E2F4: variants seen among roughly 807,000 people sequenced by gnomAD.
E2F4 encodes transcription factor E2F4.
In E2F4, 16 loss-of-function variants were observed where a neutral mutation model predicts 44.5. That is an observed-to-expected ratio of 0.36 (90% CI 0.24 to 0.55). The LOEUF is 0.55. Ranked by LOEUF, E2F4 falls within the 20% of genes least tolerant of loss-of-function variation. E2F4 has a pLI of 0.87. For missense variants in E2F4, 473 were observed against 522.1 expected (o/e 0.91, Z 0.92); for synonymous variants, 242 against 207.2 (o/e 1.17, Z -1.44).
chr16:67,198,610 A>G lies in E2F4; in HGVS notation c.*487A>G, dbSNP rs956164255. On this transcript the variant is annotated 3_prime_UTR_variant, in exon 10 of 10. Coordinates refer to ENST00000379378, the MANE Select transcript of E2F4 (RefSeq NM_001950.4). ...CTCCTCCTGGCCCTCTCACGTGCCC[A>G]CTTCTGCTGGGCCTTTAGCCCTAGA... 2.0e-4 allele frequency: 36 copies of G among 175,800 alleles called. No homozygotes were observed. The highest frequency in any genetic ancestry group is 2.9e-4 in the Non-Finnish European group (24 of 82,164). The allele number at this position is 175,800 out of a possible 1,614,324, so 10.9% of individuals were successfully genotyped here.
At position 67,198,179 on chromosome 16, in the gene E2F4, C is replaced by G; in HGVS notation, c.*56C>G. On this transcript the variant is annotated 3_prime_UTR_variant, in exon 10 of 10. Transcript: ENST00000379378. ...CCCAGACTGTCTGACCTGGGGGTTG[C>G]CTGGGGACCTCTCCCACCCGACCCC... The G allele has an allele frequency of 6.6e-7, 1 of 1,524,574 alleles. No individual in the cohort carries two copies. 94.4% of individuals were successfully genotyped at this position (1,524,574 alleles called of 1,614,324 possible). A position where few individuals can be genotyped will look rare whatever the true frequency, so the allele number is the denominator to read the frequency against.
At chr16:67,192,522 G>A in intron 1 of E2F4, 160 bp downstream of exon 1, 2 of 1,146,854 alleles carry the variant, frequency 1.7e-6, no homozygotes, top group Non-Finnish European at 1.2e-6. Context: ...TCATTCGGCC[G>A]AGGCCATCGA....
Position 67,197,643 on chromosome 16 carries a change from C to G in E2F4, c.1078C>G (p.Arg360Gly), listed in dbSNP as rs2032992748. The change falls in exon 8 of 10, where the codon CGA becomes GGA. Residue 360 changes from arginine to glycine, a missense_variant. By Grantham distance (125) the Arg-to-Gly change is moderately radical (BLOSUM62 -2). Coordinates refer to ENST00000379378, the MANE Select transcript of E2F4 (RefSeq NM_001950.4). Reference sequence around the variant, plus strand: ...GCTGTCAGAAATCTTTGATCCCACACGAGGTAGGCTGCTGCATTCCTCCCT... The same window carrying G: ...GCTGTCAGAAATCTTTGATCCCACAGGAGGTAGGCTGCTGCATTCCTCCCT... ...KELSEIFDPT[R>G]ECMSSELLEE... The G allele has an allele frequency of 6.2e-7, 1 of 1,614,176 alleles. No individual in the cohort carries two copies. The highest frequency in any genetic ancestry group is 8.5e-7 in the Non-Finnish European group (1 of 1,180,016).
Position 67,194,424 on chromosome 16 carries a change from C to G in E2F4, c.478C>G (p.Pro160Ala), listed in dbSNP as rs2032934437. The G allele has an allele frequency of 1.9e-6, 3 of 1,614,008 alleles. No individual in the cohort carries two copies. The highest frequency in any genetic ancestry group is 1.6e-4 in the Middle Eastern group (1 of 6,076). Residue 160 changes from proline to alanine, a missense_variant, in exon 5 of 10, where the codon CCA becomes GCA. Physicochemically the swap from Pro to Ala is conservative, Grantham distance 27 (BLOSUM62 -1). Coordinates refer to ENST00000379378, the MANE Select transcript of E2F4 (RefSeq NM_001950.4). ...AGDTLLAIRA[P>A]SGTSLEVPIP... ...AGATACCCTCTTGGCCATCCGGGCC[C>G]CATCAGGCACCAGCCTGGAGGTGCC...
chr16:67,194,490 G>C, intron 5 of E2F4, 31 bp downstream of exon 5: 1 of 1,612,402 alleles, frequency 6.2e-7, no homozygotes, highest in African/African-American at 1.3e-5. Context: ...GGCGGGGTCA[G>C]CTGAGGGCGG....
Position 67,198,007 on chromosome 16 carries a change from G to T in E2F4, c.1127-1G>T. On this transcript the variant is annotated splice_acceptor_variant, in intron 9 of 9. Coordinates refer to ENST00000379378, the MANE Select transcript of E2F4 (RefSeq NM_001950.4). LOFTEE classifies it high-confidence loss of function. ...GGGCCTGAGACTAGTGCTCTCTGCAGTGTTTGCCCCTCTGCTTCGTCTTTC... is the reference window on the plus strand; with the variant it reads ...GGGCCTGAGACTAGTGCTCTCTGCATTGTTTGCCCCTCTGCTTCGTCTTTC... 1.9e-6 allele frequency: 3 copies of T among 1,614,168 alleles called. No homozygotes were observed. Among genetic ancestry groups the T allele is most frequent in the South Asian group, 1.1e-5 (1 of 91,088 alleles).
Position 67,194,712 on chromosome 16 carries a change from G to C in E2F4, c.540G>C (p.Gln180His), listed in dbSNP as rs1567688100. ...PEGLNGQKKY[Q>H]IHLKSVSGPI... ...GTCTCAATGGGCAGAAGAAGTACCA[G>C]ATTCACCTGAAGAGTGTGAGTGGTC... Residue 180 changes from glutamine (Q) to histidine (H), a missense_variant, in exon 6 of 10, where the codon CAG (glutamine) becomes CAC (histidine). Around this residue, in one of 3 missense-constraint regions of E2F4, gnomAD observed 314 missense variants for 315.6 expected, o/e 0.99. Coordinates refer to ENST00000379378, the MANE Select transcript of E2F4 (RefSeq NM_001950.4). 5 of 1,613,282 alleles carry C rather than the reference G, an allele frequency of 3.1e-6. No homozygotes were observed. Among genetic ancestry groups the C allele is most frequent in the Non-Finnish European group, 3.4e-6 (4 of 1,179,218 alleles).
At chr16:67,192,393 G>A in intron 1 of E2F4, 31 bp downstream of exon 1, 2 of 1,413,248 alleles carry the variant, frequency 1.4e-6, no homozygotes, top group Middle Eastern at 2.4e-4. Flanking sequence ...AGACAAGGGA[G>A]GCTGGTGGAC....
In E2F4 at chr16:67,194,951, G is replaced by A; in HGVS notation, c.779G>A (p.Gly260Glu). Residue 260 changes from glycine (G) to glutamate (E), a missense_variant, in exon 6 of 10, where the codon GGA becomes GAA. Transcript: ENST00000379378. ...TAVPGSAEVQGMAGPAAEITV... is the reference protein window; with the variant it reads ...TAVPGSAEVQEMAGPAAEITV... ...GTCCCTGGCAGTGCAGAAGTCCAGG[G>A]AATGGCTGGCCCAGCAGCTGAGATC... 1.2e-6 allele frequency: 2 copies of A among 1,613,990 alleles called. No homozygotes were observed. The highest frequency in any genetic ancestry group is 1.7e-6 in the Non-Finnish European group (2 of 1,179,870).
intron 8 of E2F4, 32 bp downstream of exon 8, chr16:67,197,678 G>A (rs1173131247): frequency 9.9e-6 from 16 of 1,613,080 alleles, no homozygotes; most frequent in Non-Finnish European, 1.4e-5. Flanking sequence ...TGAGGCTAGG[G>A]GTAAGGGACA....
At position 67,197,896 on chromosome 16, in the gene E2F4, T is replaced by C; in HGVS notation, c.1111T>C (p.Leu371=). 6.2e-7 allele frequency: 1 copy of C among 1,613,398 alleles called. No individual in the cohort carries two copies. Among genetic ancestry groups the C allele is most frequent in the Non-Finnish European group, 8.5e-7 (1 of 1,179,808 alleles). ...ECMSSELLEE[L]MSSEVFAPLL... The stretch of plus-strand genomic sequence containing the variant: ...CATGAGCTCGGAGCTGCTGGAGGAG[T>C]TGATGTCCTCAGAAGGTGGGTGGCC... Residue 371 remains leucine, a synonymous_variant, in exon 9 of 10, where the codon TTG becomes CTG. Coordinates refer to ENST00000379378, the MANE Select transcript of E2F4 (RefSeq NM_001950.4).
intron 7 of E2F4, 54 bp downstream of exon 7, chr16:67,196,060 C>G (rs2032965627): frequency 6.2e-7 from 1 of 1,605,780 alleles, no homozygotes; most frequent in Non-Finnish European, 8.5e-7. Context: ...CAGTCCAGTC[C>G]TAGGTCAGAA....
chr16:67,193,416 C>T (rs1183085409), intron 3 of E2F4, 56 bp from the exon 4 acceptor site: 2 of 1,607,190 alleles, frequency 1.2e-6, no homozygotes, highest in South Asian at 1.1e-5. Context: ...TGGGTCTTTT[C>T]TGTAGTCTGC....
At chr16:67,192,918 T>G (rs1255570078) in intron 2 of E2F4, 48 bp downstream of exon 2, 1 of 1,577,410 alleles carries the variant, frequency 6.3e-7, no homozygotes, top group South Asian at 1.1e-5. Flanking sequence ...CCCAGAAGTG[T>G]CGGGCGTGGG....
At chr16:67,193,309 C>T (rs564776904) in intron 3 of E2F4, 139 bp downstream of exon 3, 1 of 1,491,352 alleles carries the variant, frequency 6.7e-7, no homozygotes, top group African/African-American at 1.4e-5. Flanking sequence ...CTCAGAGCCC[C>T]TCCCCTTCCA....
rs1436821464 is a variant in E2F4 at position 67,195,730 on chromosome 16, C to T, written c.809-52C>T. ...GTCTGGGTTCCAGCACAGCCAGTTT[C>T]AACGACCTCTTCCTGACCTTGTATG... On this transcript the variant is annotated intron_variant, in intron 6 of 9. Coordinates refer to ENST00000379378, the MANE Select transcript of E2F4 (RefSeq NM_001950.4). 7 of 1,607,530 alleles carry T rather than the reference C, an allele frequency of 4.4e-6. No homozygotes were observed. In the Admixed American group the frequency reaches 8.4e-5, roughly 19 times the overall value.
chr16:67,197,804 G>A, intron 8 of E2F4, 63 bp from the exon 9 acceptor site: 1 of 1,611,880 alleles, frequency 6.2e-7, no homozygotes, highest in African/African-American at 1.3e-5. Flanking sequence ...TCCCTTTCCT[G>A]GGCTTTGGTG....
In E2F4 at chr16:67,193,147, C is replaced by T. The variant is rs1424905884; in HGVS notation, c.384C>T (p.Val128=). ...GGGTGCAGCAGAGCATCCGGAACGT[C>T]ACAGAGGACGTGCAGAACAGCTGAT... ...KVWVQQSIRN[V]TEDVQNSCLA... is the part of the protein sequence containing the mutation. Residue 128 remains valine (V), a synonymous_variant, in exon 3 of 10, where the codon GTC becomes GTT. Coordinates refer to ENST00000379378, the MANE Select transcript of E2F4 (RefSeq NM_001950.4). The T allele has an allele frequency of 6.4e-7, 1 of 1,572,784 alleles. No individual in the cohort carries two copies. The highest frequency in any genetic ancestry group is 8.6e-7 in the Non-Finnish European group (1 of 1,158,818).
chr16:67,197,556 GGC>G (rs2032991037), intron 7 of E2F4, 41 bp from the exon 8 acceptor site: 1 of 1,610,972 alleles, frequency 6.2e-7, no homozygotes, highest in South Asian at 1.1e-5. Context: ...AGTGGGGCCA[GGC>G]TGGACCTCTG....
Sources: allele counts gnomAD v4.1 joint callset, GRCh38; gene constraint gnomAD v4.1.1; regional missense constraint gnomAD v4.1.1; transcripts MANE v1.5; gene names NCBI Gene and HGNC (gene_info 2026-07-23, HGNC 2026-07-21).